The following TBC1D22A variants were observed in gnomAD, a reference collection of about 807,000 sequenced individuals.
TBC1D22A encodes the protein TBC1 domain family member 22A.
In TBC1D22A, 38 loss-of-function variants were observed where a neutral mutation model predicts 60.2. That is an observed-to-expected ratio of 0.63 (90% CI 0.49 to 0.83). The LOEUF is 0.83. TBC1D22A is among the 40% of genes least tolerant of loss of function. The pLI is 0.00. For synonymous variants in TBC1D22A, 302 were observed against 281.7 expected (o/e 1.07, Z -0.72); for missense variants, 628 against 701.0 (o/e 0.90, Z 1.18).
chr22:46,790,046 A>G (rs1569035238), intron 1 of TBC1D22A, among the ~76,000 whole-genome samples: 1 of 152,266 alleles, frequency 6.6e-6, no homozygotes, highest in East Asian at 1.9e-4. Context: ...GCTCTAGCAA[A>G]TCATCACAAA....
intron 11 of TBC1D22A, among the ~76,000 whole-genome samples, chr22:47,047,458 GC>G (rs1292203772): frequency 6.6e-6 from 1 of 152,214 alleles, no homozygotes; most frequent in African/African-American, 2.4e-5. Flanking sequence ...AGAAGTTCTT[GC>G]CTTCAAGGCA....
chr22:47,151,773 G>C (rs2067512941), intron 12 of TBC1D22A, among the ~76,000 whole-genome samples: 1 of 152,204 alleles, frequency 6.6e-6, no homozygotes, highest in African/African-American at 2.4e-5. Flanking sequence ...AAGACCCCTG[G>C]GGGAACGGAG....
chr22:47,075,452 G>C (rs573528859), intron 11 of TBC1D22A, among the ~76,000 whole-genome samples: 8 of 152,276 alleles, frequency 5.3e-5, no homozygotes, highest in African/African-American at 1.9e-4. Context: ...GGAGGCTGAA[G>C]TGGTAGGATT....
chr22:46,813,916 G>A (rs779640845), intron 4 of TBC1D22A, among the ~76,000 whole-genome samples: 36 of 152,238 alleles, frequency 2.4e-4, no homozygotes, highest in Non-Finnish European at 4.4e-4. Context: ...GGAAAGTGGC[G>A]TGGTTTGGAC....
At chr22:47,112,066 T>TA (rs1754798122) in intron 12 of TBC1D22A, among the ~76,000 whole-genome samples, 2 of 152,236 alleles carry the variant, frequency 1.3e-5, no homozygotes, top group African/African-American at 4.8e-5. Context: ...CTCACTAAGC[T>TA]AGTCCCTGGC....
chr22:46,968,117 C>T (rs1382836534), intron 8 of TBC1D22A, among the ~76,000 whole-genome samples: 2 of 152,230 alleles, frequency 1.3e-5, no homozygotes, highest in African/African-American at 4.8e-5. Context: ...CACCCACGCA[C>T]TGCGTGGCAT....
intron 7 of TBC1D22A, among the ~76,000 whole-genome samples, chr22:46,906,801 A>ATATG (rs1569204260): frequency 9.2e-5 from 13 of 141,878 alleles, no homozygotes; most frequent in Admixed American, 8.3e-4. Flanking sequence ...GTGTGTGTGT[A>ATATG]TGTGTGTGTG....
At chr22:47,141,409 C>T (rs577339470) in intron 12 of TBC1D22A, among the ~76,000 whole-genome samples, 1 of 152,212 alleles carries the variant, frequency 6.6e-6, no homozygotes, top group Non-Finnish European at 1.5e-5. Flanking sequence ...AGAGTTGCCA[C>T]CTTGCTTTTT....
chr22:46,822,231 T>G (rs2085862157), intron 4 of TBC1D22A, among the ~76,000 whole-genome samples: 1 of 152,148 alleles, frequency 6.6e-6, no homozygotes, highest in Non-Finnish European at 1.5e-5. Flanking sequence ...TGCTGAAGCC[T>G]ACTCCTGTCA....
intron 10 of TBC1D22A, among the ~76,000 whole-genome samples, chr22:47,001,317 TTA>T (rs1555992262): frequency 1.0e-4 from 14 of 138,028 alleles, no homozygotes; most frequent in African/African-American, 1.6e-4. Context: ...TTTTTTTTTT[TTA>T]ATAACTCCAA....
chr22:46,984,138 G>T (rs2074620762), intron 9 of TBC1D22A, among the ~76,000 whole-genome samples: 1 of 151,634 alleles, frequency 6.6e-6, no homozygotes, highest in African/African-American at 2.4e-5. Flanking sequence ...AGGCCGAAGT[G>T]GGTGGATCAC....
At chr22:46,947,121 G>A (rs1390542687) in intron 8 of TBC1D22A, among the ~76,000 whole-genome samples, 1 of 152,036 alleles carries the variant, frequency 6.6e-6, no homozygotes, top group Non-Finnish European at 1.5e-5. Context: ...GCTGTGTGCT[G>A]CCTCTCTGAA....
At chr22:46,850,342 G>C (rs555900177) in intron 4 of TBC1D22A, among the ~76,000 whole-genome samples, 1 of 152,312 alleles carries the variant, frequency 6.6e-6, no homozygotes, top group South Asian at 2.1e-4. Context: ...GTGTGTGCGT[G>C]TGCGCATGTG....
At chr22:47,042,541 C>T (rs2062883997) in intron 11 of TBC1D22A, among the ~76,000 whole-genome samples, 1 of 152,242 alleles carries the variant, frequency 6.6e-6, no homozygotes, top group Admixed American at 6.5e-5. Context: ...GATTGTGTTC[C>T]TCCTGCACCC....
chr22:46,865,474 A>G (rs1602220760), intron 4 of TBC1D22A, among the ~76,000 whole-genome samples: 2 of 152,246 alleles, frequency 1.3e-5, no homozygotes, highest in Non-Finnish European at 2.9e-5. Flanking sequence ...GAAATGCTCC[A>G]AAGTCTGAAA....
intron 11 of TBC1D22A, among the ~76,000 whole-genome samples, chr22:47,079,074 G>A (rs1273759851): frequency 1.4e-5 from 2 of 145,810 alleles, no homozygotes; most frequent in Non-Finnish European, 1.5e-5. Flanking sequence ...AAGTGAGAAT[G>A]TAGAGCAGAC....
chr22:47,094,352 C>T (rs565867257), intron 11 of TBC1D22A, among the ~76,000 whole-genome samples: 74 of 152,190 alleles, frequency 4.9e-4, no homozygotes, highest in Non-Finnish European at 5.9e-4. Flanking sequence ...TTGCATAAAG[C>T]GAAGGGTGAC....
chr22:46,813,043 G>T (rs926715069), intron 4 of TBC1D22A, among the ~76,000 whole-genome samples: 27 of 152,298 alleles, frequency 1.8e-4, no homozygotes, highest in African/African-American at 6.3e-4. Context: ...CTCCCAGGCG[G>T]CTCCGCAGGT....
At chr22:46,945,587 A>C (rs555902372) in intron 8 of TBC1D22A, among the ~76,000 whole-genome samples, 1 of 152,292 alleles carries the variant, frequency 6.6e-6, no homozygotes, top group South Asian at 2.1e-4. Flanking sequence ...AGGTGTGACC[A>C]ACTAGCTGAC....
Sources: allele counts gnomAD v4.1 joint callset (sites outside exome capture counted in the v4.1 genomes callset), GRCh38; gene constraint gnomAD v4.1.1; transcripts MANE v1.5; gene names NCBI Gene and HGNC (gene_info 2026-07-23, HGNC 2026-07-21).